Variants in PHLDB1 observed in about 807,000 individuals in gnomAD.
The protein encoded by PHLDB1 is pleckstrin homology like domain family B member 1.
Under a neutral mutation model 139.3 loss-of-function variants are expected in PHLDB1, and 65 were observed. The ratio of observed to expected loss-of-function variants is 0.47; its 90% CI spans 0.38 to 0.57. The LOEUF is 0.57. PHLDB1 is among the 20% of genes least tolerant of loss of function. The probability of loss-of-function intolerance (pLI) is 0.00; values close to 1 mark genes in which losing one functional copy is unlikely to be tolerated. For synonymous variants in PHLDB1, 679 were observed against 734.5 expected, an observed-to-expected ratio of 0.92 and a Z score of 1.22; for missense variants, 1,624 against 1,839.7, an observed-to-expected ratio of 0.88 and a Z score of 2.14.
chr11:118,625,237 C>T (rs1219403230), intron 5 of PHLDB1, among the ~76,000 whole-genome samples, 178 bp downstream of exon 5: 6 of 152,184 alleles, frequency 3.9e-5, no homozygotes, highest in Non-Finnish European at 5.9e-5. Flanking sequence ...GAGAGCTAAC[C>T]AAGGCAGTGC....
rs561150857 is a variant in PHLDB1 at position 118,645,462 on chromosome 11, C to T, written c.3228C>T (p.Phe1076=). 1 of 1,608,786 alleles carries T rather than the reference C, an allele frequency of 6.2e-7. No individual in the cohort carries two copies. Among genetic ancestry groups the T allele is most frequent in the South Asian group, 1.1e-5 (1 of 90,100 alleles). Reference sequence around the variant, plus strand: ...ATGCCCTTCACGGGGCAGCACCCTTCCCAGCGGGCCCCTCGGGCTTCCCCC... The same window carrying T: ...ATGCCCTTCACGGGGCAGCACCCTTTCCAGCGGGCCCCTCGGGCTTCCCCC... ...QWDALHGAAP[F]PAGPSGFPPL... The change falls in exon 16 of 23, where the codon TTC becomes TTT. Residue 1076 remains phenylalanine (F), a synonymous_variant. Transcript: ENST00000600882. This position sits in a 1 kb window ranked among gnomAD's most constrained non-coding sequence, Gnocchi z 5.1.
upstream of PHLDB1, among the ~76,000 whole-genome samples, chr11:118,607,210 G>A (rs1939342132): frequency 6.7e-6 from 1 of 150,078 alleles, no homozygotes; most frequent in Non-Finnish European, 1.5e-5. Context: ...AGAAAGAGGG[G>A]AGAGTTTGGG....
Position 118,614,764 on chromosome 11 carries a change from G to A in PHLDB1, c.184+82G>A, listed in dbSNP as rs891167462. Reference sequence around the variant, plus strand: ...CCCTGGAGGCCCACCTCCTGCATGTGTTGGGGCCCTTCTACTGTCTGCTGG... The same window carrying A: ...CCCTGGAGGCCCACCTCCTGCATGTATTGGGGCCCTTCTACTGTCTGCTGG... On this transcript the variant is annotated intron_variant, in intron 3 of 22. Coordinates refer to ENST00000600882, the MANE Select transcript of PHLDB1 (RefSeq NM_001144758.3). 5 of 1,443,914 alleles carry A rather than the reference G, an allele frequency of 3.5e-6. No homozygotes were observed. In the Middle Eastern group the frequency reaches 6.2e-4, roughly 178 times the overall value. The allele number at this position is 1,443,914 out of a possible 1,614,324, so 89.4% of individuals were successfully genotyped here.
Position 118,643,837 on chromosome 11 carries a change from C to A in PHLDB1, c.2915C>A (p.Pro972His), listed in dbSNP as rs782430510. The change falls in exon 14 of 23, where the codon CCC becomes CAC. Residue 972 changes from proline to histidine, a missense_variant. Physicochemically the swap from Pro to His is moderately conservative, Grantham distance 77. Coordinates refer to ENST00000600882, the MANE Select transcript of PHLDB1 (RefSeq NM_001144758.3). ...AAGATGGATGGCGAGGCCACCAGCC[C>A]CCTTCCCCGGACCCGCAGCGGCCCC... Reference protein sequence around the residue: ...RSKMDGEATSPLPRTRSGPLP... With the variant: ...RSKMDGEATSHLPRTRSGPLP... The A allele has an allele frequency of 7.4e-6, 12 of 1,613,908 alleles. No individual in the cohort carries two copies. In the African/African-American group the frequency reaches 1.5e-4, roughly 20 times the overall value.
In PHLDB1 at chr11:118,611,571, C is replaced by T. The variant is rs1940314734; in HGVS notation, c.-21-2245C>T. 6.6e-6 allele frequency among the ~76,000 whole-genome samples: 1 copy of T among 152,098 alleles called. No individual in the cohort carries two copies. Among genetic ancestry groups the T allele is most frequent in the Non-Finnish European group, 1.5e-5 (1 of 68,016 alleles). ...AGGTCACACAGCTCATAATAATAAA[C>T]GGGGCCAGGCGCGGTGGCTCACGCC... On this transcript the variant is annotated intron_variant, in intron 1 of 22. Transcript: ENST00000600882. This position sits in a 1 kb window ranked among gnomAD's most constrained non-coding sequence, Gnocchi z 4.7.
chr11:118,648,313 GTGTGTGT>G (rs1947868423), intron 18 of PHLDB1, among the ~76,000 whole-genome samples: 1 of 141,958 alleles, frequency 7.0e-6, no homozygotes, highest in African/African-American at 2.7e-5. Flanking sequence ...GTGTGTGTGT[GTGTGTGT>G]GTGTTTGTGT....
At chr11:118,631,576 AG>A in intron 7 of PHLDB1, 97 bp downstream of exon 7, 1 of 1,082,462 alleles carries the variant, frequency 9.2e-7, no homozygotes, top group Non-Finnish European at 1.2e-6. Flanking sequence ...AGTGAGGGGA[AG>A]GATCAAGTTT....
In PHLDB1 at chr11:118,616,171, T is replaced by A. The variant is rs1555089284; in HGVS notation, c.315T>A (p.Ile105=). ...TLYPCGNACT[I]DGLPVRQPTR... ...ACCCCTGTGGCAATGCCTGCACTAT[T>A]GATGGGCTCCCTGTCCGGCAGCCTA... Residue 105 remains isoleucine, a synonymous_variant, in exon 4 of 23, where the codon ATT becomes ATA. Coordinates refer to ENST00000600882, the MANE Select transcript of PHLDB1 (RefSeq NM_001144758.3). 1 of 1,614,138 alleles carries A rather than the reference T, an allele frequency of 6.2e-7. No homozygotes were observed. Among genetic ancestry groups the A allele is most frequent in the Non-Finnish European group, 8.5e-7 (1 of 1,180,004 alleles).
chr11:118,639,056 G>A, intron 11 of PHLDB1, 55 bp downstream of exon 11: 1 of 1,558,664 alleles, frequency 6.4e-7, no homozygotes, highest in South Asian at 1.1e-5. Flanking sequence ...TGGGAGGGGA[G>A]TGCAGAAGGA....
Position 118,610,497 on chromosome 11 carries a change from C to T in PHLDB1, c.-22+2798C>T. The T allele has an allele frequency of 5.5e-6, 5 of 901,222 alleles. No homozygotes were observed. Among genetic ancestry groups the T allele is most frequent in the South Asian group, 5.1e-5 (1 of 19,606 alleles). 55.8% of individuals were successfully genotyped at this position (901,222 alleles called of 1,614,324 possible). ...GGCCACAGCCATGCACCGCTTGGGC[C>T]GAGGCCGAGGCCGACCCCCAGGGAC... On this transcript the variant is annotated intron_variant, in intron 1 of 22. Coordinates refer to ENST00000600882, the MANE Select transcript of PHLDB1 (RefSeq NM_001144758.3). The surrounding 1 kb of genome is among the most constrained non-coding windows in gnomAD (Gnocchi z 8.7).
rs782710837 is a variant in PHLDB1 at position 118,655,918 on chromosome 11, C to G, written c.3993+26C>G. 4 of 1,579,954 alleles carry G rather than the reference C, an allele frequency of 2.5e-6. No homozygotes were observed. The East Asian group carries it at 6.7e-5, about 26-fold the overall frequency. The stretch of plus-strand genomic sequence containing the variant: ...GTACCCCTCCCCACTTAGCTGTAAC[C>G]AGCACATTAACACCTCCTGTACCCC... On this transcript the variant is annotated intron_variant, in intron 22 of 22. Coordinates refer to ENST00000600882, the MANE Select transcript of PHLDB1 (RefSeq NM_001144758.3).
At position 118,631,405 on chromosome 11, in the gene PHLDB1, T is replaced by A; in HGVS notation, c.2026T>A (p.Trp676Arg). 1 of 1,488,606 alleles carries A rather than the reference T, an allele frequency of 6.7e-7. No homozygotes were observed. The highest frequency in any genetic ancestry group is 8.9e-7 in the Non-Finnish European group (1 of 1,119,366). 92.2% of individuals were successfully genotyped at this position (1,488,606 alleles called of 1,614,324 possible). A position where few individuals can be genotyped will look rare whatever the true frequency, so the allele number is the denominator to read the frequency against. ...GCCTGGCGTTGCCACCCAACGCCTA[T>A]GGGAGAGTATGGAGCGCTCAGATGA... ...EEPGVATQRL[W>R]ESMERSDEEN... Residue 676 changes from tryptophan (W) to arginine (R), a missense_variant, in exon 7 of 23, where the codon TGG (tryptophan) becomes AGG (arginine). By Grantham distance (101) the Trp-to-Arg change is moderately radical (BLOSUM62 -3). Transcript: ENST00000600882.
At chr11:118,613,308 A>T in intron 1 of PHLDB1, 1 of 985,832 alleles carries the variant, frequency 1.0e-6, no homozygotes, top group Non-Finnish European at 1.2e-6. Flanking sequence ...CATCCTACTA[A>T]AGCCCTGGGA....
chr11:118,609,363 A>AATACACAGCCCAGC (rs1939726273), intron 1 of PHLDB1, among the ~76,000 whole-genome samples: 4 of 108,354 alleles, frequency 3.7e-5, no homozygotes, highest in Admixed American at 1.0e-4. Flanking sequence ...CACACAGCCT[A>AATACACAGCCCAGC]TCACACACAC....
chr11:118,627,599 C>T lies in PHLDB1; in HGVS notation c.776C>T (p.Ser259Phe), dbSNP rs377469936. 11 of 1,613,648 alleles carry T rather than the reference C, an allele frequency of 6.8e-6. No individual in the cohort carries two copies. The highest frequency in any genetic ancestry group is 8.5e-6 in the Non-Finnish European group (10 of 1,180,042). Reference sequence around the variant, plus strand: ...ACCTCTCCAGCCTTCTCTCCACTCTCTTCACCAGCCAGCAGTGGAAGCTGT... The same window carrying T: ...ACCTCTCCAGCCTTCTCTCCACTCTTTTCACCAGCCAGCAGTGGAAGCTGT... ...ENTSPAFSPLSSPASSGSCAS... is the reference protein window; with the variant it reads ...ENTSPAFSPLFSPASSGSCAS... Residue 259 changes from serine to phenylalanine, a missense_variant, in exon 6 of 23, where the codon TCT (serine) becomes TTT (phenylalanine). By Grantham distance (155) the Ser-to-Phe change is radical (BLOSUM62 -2). Transcript: ENST00000600882.
chr11:118,656,994 G>A lies in PHLDB1; in HGVS notation c.*171G>A, dbSNP rs1440924645. On this transcript the variant is annotated 3_prime_UTR_variant, in exon 23 of 23. Coordinates refer to ENST00000600882, the MANE Select transcript of PHLDB1 (RefSeq NM_001144758.3). ...GCCTCCTGGGAGCCCAGAACTTGCA[G>A]TAACCCTTTAGGGTCCTGCCCCAGG... 5.0e-6 allele frequency: 3 copies of A among 600,314 alleles called. No homozygotes were observed. Among genetic ancestry groups the A allele is most frequent in the East Asian group, 5.6e-5 (2 of 35,612 alleles). The allele number at this position is 600,314 out of a possible 1,614,324, so 37.2% of individuals were successfully genotyped here.
At chr11:118,607,896 T>C (rs1555080209) in intron 1 of PHLDB1, among the ~76,000 whole-genome samples, 197 bp downstream of exon 1, 2 of 152,062 alleles carry the variant, frequency 1.3e-5, no homozygotes. Flanking sequence ...GGAGTTTTCC[T>C]GTGAGCCTCT....
At chr11:118,644,873 C>A in intron 15 of PHLDB1, 1 of 265,558 alleles carries the variant, frequency 3.8e-6, no homozygotes, top group South Asian at 3.2e-5. Context: ...TGTGCTCTAC[C>A]GTGTCTCCCC....
intron 13 of PHLDB1, among the ~76,000 whole-genome samples, chr11:118,643,189 A>G (rs1173368378): frequency 1.3e-5 from 2 of 152,212 alleles, no homozygotes; most frequent in Non-Finnish European, 2.9e-5. Flanking sequence ...GATCATCATC[A>G]TAGGCCTTTG....
Sources: gnomAD v4.1 joint callset for allele counts (sites outside exome capture counted in the v4.1 genomes callset) on GRCh38, gnomAD v4.1.1 for gene constraint, Gnocchi (gnomAD v3.1) non-coding constraint, MANE v1.5 for transcripts, NCBI Gene and HGNC (gene_info 2026-07-23, HGNC 2026-07-21) for gene names.